FKBP5: variants seen among roughly 807,000 people sequenced by gnomAD.
FKBP5 encodes FKBP prolyl isomerase 5, also known as peptidyl-prolyl cis-trans isomerase FKBP5.
In FKBP5, 23 loss-of-function variants were observed where a neutral mutation model predicts 50.5. The ratio of observed to expected loss-of-function variants is 0.46; its 90% CI spans 0.33 to 0.65. FKBP5 has a LOEUF of 0.65. Ranked by LOEUF, FKBP5 falls within the 30% of genes least tolerant of loss-of-function variation. FKBP5 has a pLI of 0.02. For missense variants in FKBP5, 411 were observed against 553.1 expected (o/e 0.74, Z 2.58); for synonymous variants, 176 against 190.6 (o/e 0.92, Z 0.63).
chr6:35,659,401 C>T (rs1242330626), intron 1 of FKBP5, among the ~76,000 whole-genome samples: 1 of 82,948 alleles, frequency 1.2e-5, no homozygotes, highest in African/African-American at 3.7e-5. Context: ...GCATGCGCCA[C>T]CACACTCAGT....
At chr6:35,706,150 G>A (rs905770968) in intron 2 of FKBP5, among the ~76,000 whole-genome samples, 69 of 152,118 alleles carry the variant, frequency 4.5e-4, no homozygotes, top group African/African-American at 1.4e-3. Flanking sequence ...GGGGCCAGGC[G>A]CAGTGGCTCA....
intron 1 of FKBP5, among the ~76,000 whole-genome samples, chr6:35,666,214 C>T (rs1312246869): frequency 6.6e-6 from 1 of 150,924 alleles, no homozygotes; most frequent in Non-Finnish European, 1.5e-5. Context: ...AAAAATAACA[C>T]TTCATATCTT....
At chr6:35,694,265 C>T (rs1368799378) in intron 2 of FKBP5, among the ~76,000 whole-genome samples, 2 of 152,156 alleles carry the variant, frequency 1.3e-5, no homozygotes, top group East Asian at 3.9e-4. Flanking sequence ...CCCACTTCAG[C>T]CCCCCAAGTA....
chr6:35,633,946 A>G (rs573343011), intron 3 of FKBP5, among the ~76,000 whole-genome samples: 1 of 152,334 alleles, frequency 6.6e-6, no homozygotes, highest in Admixed American at 6.5e-5. Context: ...CAGGTGTGTC[A>G]GAGGTACAAA....
chr6:35,674,779 C>CTT (rs149019459), intron 1 of FKBP5, among the ~76,000 whole-genome samples: 9 of 152,204 alleles, frequency 5.9e-5, no homozygotes, highest in Non-Finnish European at 1.0e-4. Flanking sequence ...AGACTGTCAA[C>CTT]TTGCTAATTA....
At chr6:35,638,943 G>A (rs1561870985) in intron 2 of FKBP5, among the ~76,000 whole-genome samples, 1 of 152,140 alleles carries the variant, frequency 6.6e-6, no homozygotes, top group Non-Finnish European at 1.5e-5. Context: ...TGGGATGAAT[G>A]GCTACCAGAG....
At chr6:35,589,133 T>A (rs1476521454) in intron 7 of FKBP5, among the ~76,000 whole-genome samples, 24 of 141,938 alleles carry the variant, frequency 1.7e-4, no homozygotes, top group Non-Finnish European at 2.8e-4. Context: ...TATATATTTT[T>A]TTTTTTTTCC....
chr6:35,597,450 C>A (rs763148745), intron 5 of FKBP5, 46 bp from the exon 6 acceptor site: 2 of 1,569,666 alleles, frequency 1.3e-6, no homozygotes, highest in Non-Finnish European at 1.7e-6. Flanking sequence ...CTTCTTAGGA[C>A]TGGCTAATTC....
intron 1 of FKBP5, among the ~76,000 whole-genome samples, chr6:35,647,354 G>A (rs896371289): frequency 2.0e-5 from 3 of 152,176 alleles, no homozygotes; most frequent in South Asian, 2.1e-4. Flanking sequence ...AAGGTTGAAC[G>A]ACAGGACTAA....
At chr6:35,670,465 G>A (rs1765353836) in intron 1 of FKBP5, among the ~76,000 whole-genome samples, 1 of 152,094 alleles carries the variant, frequency 6.6e-6, no homozygotes, top group African/African-American at 2.4e-5. Flanking sequence ...TGGGCACGGT[G>A]GCTCATGCCT....
intron 1 of FKBP5, among the ~76,000 whole-genome samples, chr6:35,683,435 C>T (rs1765736689): frequency 6.6e-6 from 1 of 151,450 alleles, no homozygotes; most frequent in South Asian, 2.1e-4. Flanking sequence ...GTTGACATTA[C>T]AGGTGTGAGA....
In FKBP5 at chr6:35,628,954, TG is replaced by T. The variant is rs555699020; in HGVS notation, c.250+8059del. ...CTGGTCTTGAACTTCTAAACTCAGG[TG>T]ATCTGCCCGCCTCGGCCTCCCAAAG... On this transcript the variant is annotated intron_variant, in intron 3 of 10. Coordinates refer to ENST00000357266, the MANE Select transcript of FKBP5 (RefSeq NM_004117.4). Among the ~76,000 whole-genome samples, 20 of 152,340 alleles carry T rather than the reference TG, an allele frequency of 1.3e-4. No homozygotes were observed. The South Asian group carries it at 4.1e-3, about 32-fold the overall frequency.
intron 7 of FKBP5, 35 bp downstream of exon 7, chr6:35,591,095 C>T (rs1174452411): frequency 1.4e-6 from 2 of 1,382,548 alleles, no homozygotes; most frequent in South Asian, 2.4e-5. Context: ...GAGAAGAAAC[C>T]TACCATAATT....
At chr6:35,593,482 T>C (rs960671240) in intron 6 of FKBP5, among the ~76,000 whole-genome samples, 12 of 152,234 alleles carry the variant, frequency 7.9e-5, no homozygotes, top group African/African-American at 2.7e-4. Context: ...AGACCCTGTG[T>C]GTCCCCAGAA....
chr6:35,579,249 C>T (rs961278735), intron 9 of FKBP5, among the ~76,000 whole-genome samples: 5 of 152,042 alleles, frequency 3.3e-5, no homozygotes, highest in East Asian at 3.9e-4. Context: ...AGAGAGGATG[C>T]GATAGGAAAC....
chr6:35,606,939 T>C (rs991596214), intron 5 of FKBP5, among the ~76,000 whole-genome samples: 2 of 152,166 alleles, frequency 1.3e-5, no homozygotes, highest in Non-Finnish European at 2.9e-5. Flanking sequence ...CAGCATTGTT[T>C]GTGTGTTTGT....
intron 8 of FKBP5, chr6:35,583,619 T>C (rs952379024): frequency 1.0e-6 from 1 of 955,464 alleles, no homozygotes; most frequent in South Asian, 4.8e-5. Context: ...GAGGCATTTT[T>C]AGTTGTCATA....
intron 1 of FKBP5, chr6:35,651,801 A>C (rs1764808279): frequency 2.7e-6 from 1 of 365,246 alleles, no homozygotes; most frequent in Non-Finnish European, 4.1e-6. Context: ...TTTAATGCAC[A>C]AAATTATTAA....
chr6:35,587,000 T>C (rs1374545924), intron 8 of FKBP5, 34 bp downstream of exon 8: 9 of 1,613,570 alleles, frequency 5.6e-6, no homozygotes, highest in Non-Finnish European at 7.6e-6. Flanking sequence ...ATAAATTCTT[T>C]GAGATGGAAA....
Sources: gnomAD v4.1 joint callset for allele counts (sites outside exome capture counted in the v4.1 genomes callset) on GRCh38, gnomAD v4.1.1 for gene constraint, MANE v1.5 for transcripts, NCBI Gene and HGNC (gene_info 2026-07-23, HGNC 2026-07-21) for gene names.